The following STK3 variants were observed in gnomAD, a reference collection of about 807,000 sequenced individuals.
The protein encoded by STK3 is serine/threonine kinase 3.
A neutral mutation model predicts 58.0 loss-of-function variants in STK3; 41 were observed. That is an observed-to-expected ratio of 0.71 (90% confidence interval 0.55 to 0.92). STK3 has a LOEUF of 0.92. Ranked by LOEUF, STK3 falls within the 40% of genes least tolerant of loss-of-function variation. STK3 has a pLI of 0.00. For missense variants in STK3, 479 were observed against 602.7 expected (o/e 0.79, Z 2.15); for synonymous variants, 170 against 191.0 (o/e 0.89, Z 0.91).
intron 10 of STK3, among the ~76,000 whole-genome samples, chr8:98,504,389 AT>A (rs1279005135): frequency 2.0e-5 from 3 of 152,138 alleles, no homozygotes; most frequent in African/African-American, 7.2e-5. Context: ...GCCCATTTAC[AT>A]TTAAGGTTAC....
intron 9 of STK3, among the ~76,000 whole-genome samples, chr8:98,536,595 G>GA (rs1809785424): frequency 6.6e-6 from 1 of 152,120 alleles, no homozygotes; most frequent in Non-Finnish European, 1.5e-5. Flanking sequence ...TACTCTGCAG[G>GA]CAGGAGAACA....
At chr8:98,578,483 C>A (rs1813589755) in intron 8 of STK3, among the ~76,000 whole-genome samples, 1 of 152,148 alleles carries the variant, frequency 6.6e-6, no homozygotes, top group African/African-American at 2.4e-5. Flanking sequence ...TATAAATCAG[C>A]TCTACAAAGA....
chr8:98,429,092 T>C, intron 3 of STK3: 2 of 1,613,396 alleles, frequency 1.2e-6, no homozygotes, highest in Non-Finnish European at 1.7e-6. Context: ...CTACCGTCAG[T>C]ATGACCACAG....
At chr8:98,438,044 G>A (rs1818555387) in intron 1 of STK3, 1 of 152,258 alleles carries the variant, frequency 6.6e-6, no homozygotes, top group Admixed American at 6.5e-5. Flanking sequence ...CTCTACACTG[G>A]GAACCGGGGA....
intron 10 of STK3, among the ~76,000 whole-genome samples, chr8:98,456,503 T>C (rs1463386043): frequency 2.0e-5 from 3 of 152,176 alleles, no homozygotes; most frequent in Non-Finnish European, 4.4e-5. Context: ...AAGATGACTG[T>C]GGTAGGGGGC....
intron 10 of STK3, 170 bp downstream of exon 10, chr8:98,526,572 C>T: frequency 2.1e-6 from 1 of 470,092 alleles, no homozygotes; most frequent in Non-Finnish European, 3.4e-6. Context: ...AAGCAAGCTA[C>T]AGTTTCACAA....
intron 3 of STK3, among the ~76,000 whole-genome samples, chr8:98,865,069 C>A (rs759106367): frequency 6.6e-6 from 1 of 152,104 alleles, no homozygotes; most frequent in Non-Finnish European, 1.5e-5. Context: ...TGCAGGGCAA[C>A]CAATAGAAGC....
intron 4 of STK3, among the ~76,000 whole-genome samples, chr8:98,746,625 AAAAAAT>A (rs1446220240): frequency 6.6e-6 from 1 of 152,160 alleles, no homozygotes; most frequent in Non-Finnish European, 1.5e-5. Flanking sequence ...AAATAAAAAT[AAAAAAT>A]AAAAATAAAT....
chr8:98,677,275 T>G (rs1361212523), intron 6 of STK3, among the ~76,000 whole-genome samples: 2 of 151,694 alleles, frequency 1.3e-5, no homozygotes, highest in African/African-American at 4.8e-5. Context: ...TCAGACTAAG[T>G]CTCCTCATGC....
chr8:98,442,344 C>T (rs1217203526), intron 1 of STK3, among the ~76,000 whole-genome samples: 1 of 152,226 alleles, frequency 6.6e-6, no homozygotes, highest in African/African-American at 2.4e-5. Flanking sequence ...TATGTCTGGT[C>T]GAGGCATGGG....
At chr8:98,348,178 A>G in the STK3 span, among the ~76,000 whole-genome samples, 3 of 152,340 alleles carry the variant, frequency 2.0e-5, no homozygotes, top group African/African-American at 4.8e-5. Flanking sequence ...TTTTCAACAA[A>G]TGATACTGGA....
At chr8:98,734,372 C>A (rs1828420169) in intron 4 of STK3, among the ~76,000 whole-genome samples, 2 of 152,276 alleles carry the variant, frequency 1.3e-5, no homozygotes, top group South Asian at 2.1e-4. Context: ...TGTAGAAGAA[C>A]CAAAACTAAA....
intron 1 of STK3, among the ~76,000 whole-genome samples, chr8:98,927,650 C>T (rs187464930): frequency 1.4e-4 from 21 of 152,332 alleles, no homozygotes; most frequent in African/African-American, 4.8e-4. Flanking sequence ...TGTCTAAGAT[C>T]ATACACCTAG....
intron 1 of STK3, among the ~76,000 whole-genome samples, chr8:98,785,759 A>G (rs949038879): frequency 1.3e-5 from 2 of 152,224 alleles, no homozygotes; most frequent in Non-Finnish European, 2.9e-5. Flanking sequence ...GCATAGGACT[A>G]TAAAAACAAA....
intron 1 of STK3, among the ~76,000 whole-genome samples, chr8:98,893,421 G>GAAAGAAAGAAA: frequency 3.3e-5 from 2 of 60,534 alleles, no homozygotes; most frequent in Non-Finnish European, 6.7e-5. Context: ...AAGGAAGGAA[G>GAAAGAAAGAAA]GAAAGAAAGA....
At position 98,654,015 on chromosome 8, in the gene STK3, A is replaced by G. The variant is rs1467761243; in HGVS notation, c.684+52452T>C. 9.2e-5 allele frequency among the ~76,000 whole-genome samples: 14 copies of G among 151,654 alleles called. No individual in the cohort carries two copies. The East Asian group carries it at 9.7e-4, about 11-fold the overall frequency. On this transcript the variant is annotated intron_variant, in intron 6 of 10. Coordinates refer to ENST00000419617, the MANE Select transcript of STK3 (RefSeq NM_006281.4). ...AGCATCATCCTGATACCAAAGCCTG[A>G]CAGAGACACAACCAAAAAAGAGAAT...
At chr8:98,656,774 GTTTC>G (rs1821573487) in intron 6 of STK3, among the ~76,000 whole-genome samples, 3 of 151,892 alleles carry the variant, frequency 2.0e-5, no homozygotes, top group Admixed American at 6.6e-5. Flanking sequence ...GTTTATAACT[GTTTC>G]TTCTTCATAA....
chr8:98,580,397 A>C (rs562726214), intron 7 of STK3, among the ~76,000 whole-genome samples: 34 of 152,344 alleles, frequency 2.2e-4, no homozygotes, highest in African/African-American at 6.3e-4. Flanking sequence ...TAAGCTCTCT[A>C]TCATTCTGAC....
chr8:98,752,960 CAG>C (rs1830071715), intron 3 of STK3, among the ~76,000 whole-genome samples: 1 of 137,430 alleles, frequency 7.3e-6, no homozygotes, highest in Admixed American at 7.3e-5. Flanking sequence ...AAAAAAAAAA[CAG>C]ATGCTGGCAA....
Sources: allele counts gnomAD v4.1 joint callset (sites outside exome capture counted in the v4.1 genomes callset), GRCh38; gene constraint gnomAD v4.1.1; transcripts MANE v1.5; gene names NCBI Gene and HGNC (gene_info 2026-07-23, HGNC 2026-07-21).